AGAP1: variants seen among roughly 807,000 people sequenced by gnomAD.
AGAP1 encodes the protein ArfGAP with GTPase domain, ankyrin repeat and PH domain 1.
In AGAP1, 29 loss-of-function variants were observed where a neutral mutation model predicts 105.3. That is an observed-to-expected ratio of 0.28 (90% CI 0.21 to 0.38). AGAP1 has a LOEUF of 0.38. Among genes scored for constraint, AGAP1 ranks in the 10% least tolerant of loss-of-function variants. The pLI, the probability that AGAP1 is intolerant of heterozygous loss-of-function variation, is 1.00. For missense variants in AGAP1, 998 were observed against 1,165.1 expected (o/e 0.86, Z 2.09); for synonymous variants, 509 against 485.9 (o/e 1.05, Z -0.63).
chr2:235,580,212 G>A (rs1157313652), intron 1 of AGAP1, among the ~76,000 whole-genome samples: 1 of 152,130 alleles, frequency 6.6e-6, no homozygotes, highest in Admixed American at 6.5e-5. Flanking sequence ...GAACGTGCGT[G>A]TACAGGGATT....
intron 1 of AGAP1, among the ~76,000 whole-genome samples, chr2:235,562,159 C>T (rs932400448): frequency 1.3e-5 from 2 of 152,304 alleles, no homozygotes; most frequent in South Asian, 2.1e-4. Flanking sequence ...AGGCTATTCA[C>T]CATGATTTAA....
At position 235,824,199 on chromosome 2, in the gene AGAP1, C is replaced by G. The variant is rs1229825866; in HGVS notation, c.1050+16868C>G. ...GCTGAGGGGTCTTCGATTGGTGGCA[C>G]CCGTGTTCCACGGTACAGCTAGGCC... On this transcript the variant is annotated intron_variant, in intron 9 of 17. Transcript: ENST00000304032. This position sits in a 1 kb window ranked among gnomAD's most constrained non-coding sequence, Gnocchi z 5.2. Among the ~76,000 whole-genome samples, 2 of 152,248 alleles carry G rather than the reference C, an allele frequency of 1.3e-5. No homozygotes were observed. Among genetic ancestry groups the G allele is most frequent in the African/African-American group, 4.8e-5 (2 of 41,472 alleles).
intron 1 of AGAP1, among the ~76,000 whole-genome samples, chr2:235,519,698 C>T (rs369823315): frequency 1.3e-4 from 20 of 152,224 alleles, no homozygotes; most frequent in African/African-American, 3.6e-4. Context: ...GTAGAATAAG[C>T]GTAATGATCT....
At position 236,090,225 on chromosome 2, in the gene AGAP1, C is replaced by A. The variant is rs941720472; in HGVS notation, c.2115-29967C>A. 6.6e-6 allele frequency among the ~76,000 whole-genome samples: 1 copy of A among 152,244 alleles called. No homozygotes were observed. The highest frequency in any genetic ancestry group is 1.5e-5 in the Non-Finnish European group (1 of 68,016). ...TAGAAATGGCAGTTTTGTGGTCGTT[C>A]GCACCCAGGACTTTGATGTTCCTAC... On this transcript the variant is annotated intron_variant, in intron 16 of 17. Transcript: ENST00000304032. The surrounding 1 kb of genome is among the most constrained non-coding windows in gnomAD (Gnocchi z 4.3).
intron 6 of AGAP1, among the ~76,000 whole-genome samples, chr2:235,782,039 G>T (rs1956294321): frequency 1.3e-5 from 2 of 152,262 alleles, no homozygotes; most frequent in South Asian, 4.2e-4. Flanking sequence ...GTTGTTTTAA[G>T]GCCTAGTTTA....
At position 235,665,789 on chromosome 2, in the gene AGAP1, C is replaced by T. The variant is rs1048877768; in HGVS notation, c.164-43390C>T. ...TTGGCCAGTTTCTACCATCAGCAGA[C>T]GCGGTTCTGCTAAGATACTGCAAAC... On this transcript the variant is annotated intron_variant, in intron 1 of 17. Transcript: ENST00000304032. This position sits in a 1 kb window ranked among gnomAD's most constrained non-coding sequence, Gnocchi z 5.3. 3.3e-5 allele frequency among the ~76,000 whole-genome samples: 5 copies of T among 152,030 alleles called. No individual in the cohort carries two copies. Among genetic ancestry groups the T allele is most frequent in the African/African-American group, 7.3e-5 (3 of 41,366 alleles).
At chr2:236,115,243 G>C (rs2059743353) in intron 16 of AGAP1, among the ~76,000 whole-genome samples, 1 of 152,240 alleles carries the variant, frequency 6.6e-6, no homozygotes, top group African/African-American at 2.4e-5. Flanking sequence ...GCCGCTGTTT[G>C]CAGGGGAACC....
Position 235,844,035 on chromosome 2 carries a change from C to CTG in AGAP1, c.1050+36704_1050+36705insTG, listed in dbSNP as rs552350213. On this transcript the variant is annotated intron_variant, in intron 9 of 17. Coordinates refer to ENST00000304032, the MANE Select transcript of AGAP1 (RefSeq NM_001037131.3). The stretch of plus-strand genomic sequence containing the variant: ...GAATCTGGCAGGAGTCCCCAAAGGA[C>CTG]CACCCAGGCTCAGTCTTGGCCCCAT... 4.7e-3 allele frequency among the ~76,000 whole-genome samples: 709 copies of CTG among 152,298 alleles called. 8 individuals are homozygous for CTG. Among genetic ancestry groups the CTG allele is most frequent in the African/African-American group, 0.016 (675 of 41,568 alleles).
chr2:235,822,144 G>T (rs1407266459), intron 9 of AGAP1, among the ~76,000 whole-genome samples: 1 of 152,224 alleles, frequency 6.6e-6, no homozygotes, highest in Non-Finnish European at 1.5e-5. Context: ...TCTTCGGGGA[G>T]ATACTTTGAG....
intron 16 of AGAP1, among the ~76,000 whole-genome samples, chr2:236,069,307 ATATC>A (rs2058436130): frequency 6.6e-6 from 1 of 152,208 alleles, no homozygotes. Context: ...AATTGAATAT[ATATC>A]ATAAAATCTT....
At position 235,993,827 on chromosome 2, in the gene AGAP1, T is replaced by G. The variant is rs998824775; in HGVS notation, c.1645+25204T>G. On this transcript the variant is annotated intron_variant, in intron 13 of 17. Transcript: ENST00000304032. This position sits in a 1 kb window ranked among gnomAD's most constrained non-coding sequence, Gnocchi z 5.0. ...GCACAGGTGTGTCCTCACGTGCGCT[T>G]GGAGAAAGTGGAGTTTTAATTACTT... Among the ~76,000 whole-genome samples the G allele has an allele frequency of 1.3e-5, 2 of 152,172 alleles. No individual in the cohort carries two copies. Among genetic ancestry groups the G allele is most frequent in the Admixed American group, 1.3e-4 (2 of 15,278 alleles).
chr2:235,619,487 G>A (rs6739897), intron 1 of AGAP1, among the ~76,000 whole-genome samples: 26,100 of 135,630 alleles, frequency 0.19, 2,796 homozygotes, highest in Middle Eastern at 0.25. Context: ...CTGAAGTAGG[G>A]GAGCTGGGAT....
At chr2:235,933,723 G>T (rs2052843893) in intron 12 of AGAP1, among the ~76,000 whole-genome samples, 2 of 151,432 alleles carry the variant, frequency 1.3e-5, no homozygotes, top group Admixed American at 1.3e-4. Context: ...AGTAGAGACG[G>T]GGTTTCACCA....
chr2:235,608,466 G>C lies in AGAP1; in HGVS notation c.164-100713G>C, dbSNP rs1946020765. ...GGAGACCTGGAGATGCTCAGGGAAG[G>C]GGGTGGTCAGGCCCTGGGTCCCATG... On this transcript the variant is annotated intron_variant, in intron 1 of 17. Coordinates refer to ENST00000304032, the MANE Select transcript of AGAP1 (RefSeq NM_001037131.3). This position sits in a 1 kb window ranked among gnomAD's most constrained non-coding sequence, Gnocchi z 5.4. Among the ~76,000 whole-genome samples the C allele has an allele frequency of 6.6e-6, 1 of 152,166 alleles. No individual in the cohort carries two copies. Among genetic ancestry groups the C allele is most frequent in the African/African-American group, 2.4e-5 (1 of 41,430 alleles).
intron 1 of AGAP1, among the ~76,000 whole-genome samples, chr2:235,503,795 C>T (rs1320986316): frequency 6.6e-6 from 1 of 152,156 alleles, no homozygotes; most frequent in Non-Finnish European, 1.5e-5. Context: ...GGGGTTTCAC[C>T]ATGTTGCCTG....
intron 15 of AGAP1, among the ~76,000 whole-genome samples, chr2:236,048,330 G>A (rs2057786785): frequency 6.6e-6 from 1 of 152,176 alleles, no homozygotes; most frequent in African/African-American, 2.4e-5. Flanking sequence ...TCCATTTCTT[G>A]TCCTGCACAA....
rs574951117 is a variant in AGAP1 at position 235,697,747 on chromosome 2, T to C, written c.164-11432T>C. ...ATTAATTTCACCATGAATTAAACAG[T>C]ATGACTGACTGAGTTTATAATTCTT... On this transcript the variant is annotated intron_variant, in intron 1 of 17. Transcript: ENST00000304032. Among the ~76,000 whole-genome samples the C allele has an allele frequency of 2.6e-5, 4 of 152,336 alleles. No individual in the cohort carries two copies. The South Asian group carries it at 8.3e-4, about 32-fold the overall frequency.
In AGAP1 at chr2:235,701,181, G is replaced by C. The variant is rs1018106487; in HGVS notation, c.164-7998G>C. ...GTATATTTTATATATTTATATATAT[G>C]GGGGGGTGGAAATCACTATCCTCTA... On this transcript the variant is annotated intron_variant, in intron 1 of 17. Transcript: ENST00000304032. This position sits in a 1 kb window ranked among gnomAD's most constrained non-coding sequence, Gnocchi z 4.1. 1.3e-5 allele frequency among the ~76,000 whole-genome samples: 2 copies of C among 150,440 alleles called. No individual in the cohort carries two copies. Among genetic ancestry groups the C allele is most frequent in the Non-Finnish European group, 1.5e-5 (1 of 67,768 alleles).
In AGAP1 at chr2:235,690,287, C is replaced by G. The variant is rs1489234267; in HGVS notation, c.164-18892C>G. On this transcript the variant is annotated intron_variant, in intron 1 of 17. Coordinates refer to ENST00000304032, the MANE Select transcript of AGAP1 (RefSeq NM_001037131.3). This position sits in a 1 kb window ranked among gnomAD's most constrained non-coding sequence, Gnocchi z 4.1. ...AGGGACTCTGACCCTCCCTCCGCAC[C>G]CCACCCTTTAAAGGTGAAAGCAGCA... is the stretch of plus-strand genomic sequence containing the variant. Among the ~76,000 whole-genome samples, 1 of 152,088 alleles carries G rather than the reference C, an allele frequency of 6.6e-6. No homozygotes were observed. Among genetic ancestry groups the G allele is most frequent in the African/African-American group, 2.4e-5 (1 of 41,412 alleles).
Sources: allele counts gnomAD v4.1 joint callset (sites outside exome capture counted in the v4.1 genomes callset), GRCh38; gene constraint gnomAD v4.1.1; non-coding constraint Gnocchi (gnomAD v3.1); transcripts MANE v1.5; gene names NCBI Gene and HGNC (gene_info 2026-07-23, HGNC 2026-07-21).